SH3BGRL2: variants seen among roughly 807,000 people sequenced by gnomAD.
SH3BGRL2 encodes the protein SH3 domain-binding glutamic acid-rich-like protein 2.
A neutral mutation model predicts 14.8 loss-of-function variants in SH3BGRL2; 21 were observed. That is an observed-to-expected ratio of 1.42 (90% CI 1.01 to 2.05). The LOEUF (loss-of-function observed/expected upper bound fraction) is 2.05, where lower values mean the gene tolerates loss of function less well. Among genes scored for constraint, SH3BGRL2 ranks in the 30% most tolerant of loss-of-function variants. The probability of loss-of-function intolerance (pLI) is 0.00; values close to 1 mark genes in which losing one functional copy is unlikely to be tolerated. For missense variants in SH3BGRL2, 147 were observed against 130.8 expected, an observed-to-expected ratio of 1.12 and a Z score of -0.61; for synonymous variants, 50 against 47.8, an observed-to-expected ratio of 1.05 and a Z score of -0.19.
At chr6:79,555,311 G>T in the SH3BGRL2 span, among the ~76,000 whole-genome samples, 306 of 152,074 alleles carry the variant, frequency 2.0e-3, 1 homozygote, top group African/African-American at 6.8e-3. Context: ...TTAGCTGGGC[G>T]TGGTGTTGGG....
the SH3BGRL2 span, among the ~76,000 whole-genome samples, chr6:79,537,647 T>C: frequency 6.6e-6 from 1 of 152,172 alleles, no homozygotes; most frequent in Non-Finnish European, 1.5e-5. Context: ...TCCTACGGGC[T>C]GTGCGGTGCC....
chr6:79,675,441 G>A (rs1267174927), intron 2 of SH3BGRL2, among the ~76,000 whole-genome samples: 1 of 152,062 alleles, frequency 6.6e-6, no homozygotes, highest in Non-Finnish European at 1.5e-5. Flanking sequence ...ACTATGGTAT[G>A]AGCTATTTTT....
chr6:79,545,175 C>A, the SH3BGRL2 span, among the ~76,000 whole-genome samples: 1 of 152,200 alleles, frequency 6.6e-6, no homozygotes, highest in African/African-American at 2.4e-5. Context: ...TGACCTGTTT[C>A]CCTTTGAGAG....
intron 1 of SH3BGRL2, among the ~76,000 whole-genome samples, chr6:79,638,468 A>G (rs144717915): frequency 8.5e-5 from 13 of 152,258 alleles, no homozygotes; most frequent in African/African-American, 2.6e-4. Context: ...AATTCTCTGT[A>G]GTGGGATTGC....
chr6:79,608,143 C>A, the SH3BGRL2 span, among the ~76,000 whole-genome samples: 1 of 152,098 alleles, frequency 6.6e-6, no homozygotes, highest in African/African-American at 2.4e-5. Context: ...CGTGAGAACT[C>A]ACTCACTATC....
At chr6:79,586,712 C>A in the SH3BGRL2 span, among the ~76,000 whole-genome samples, 44 of 152,204 alleles carry the variant, frequency 2.9e-4, no homozygotes, top group Non-Finnish European at 1.3e-4. Context: ...AAGGCCTATC[C>A]TCTGGAATCA....
the SH3BGRL2 span, among the ~76,000 whole-genome samples, chr6:79,543,408 C>T: frequency 6.6e-6 from 1 of 152,086 alleles, no homozygotes; most frequent in Non-Finnish European, 1.5e-5. Context: ...ATTATTTACC[C>T]AGAGGTATAT....
intron 2 of SH3BGRL2, among the ~76,000 whole-genome samples, chr6:79,694,382 T>C (rs1398406919): frequency 6.6e-6 from 1 of 152,232 alleles, no homozygotes; most frequent in Non-Finnish European, 1.5e-5. Context: ...TGAACTCTCA[T>C]GAGGGAATTA....
the SH3BGRL2 span, among the ~76,000 whole-genome samples, chr6:79,572,227 T>A: frequency 6.6e-6 from 1 of 152,198 alleles, no homozygotes; most frequent in Non-Finnish European, 1.5e-5. Flanking sequence ...TGTTGATAGA[T>A]GTTTAGATTT....
At chr6:79,570,847 CTGTT>C in the SH3BGRL2 span, among the ~76,000 whole-genome samples, 4 of 152,166 alleles carry the variant, frequency 2.6e-5, no homozygotes, top group East Asian at 7.7e-4. Flanking sequence ...CTCAAGCACT[CTGTT>C]TTATTTGCAT....
At chr6:79,601,364 A>T in the SH3BGRL2 span, among the ~76,000 whole-genome samples, 12 of 151,856 alleles carry the variant, frequency 7.9e-5, no homozygotes, top group Admixed American at 2.6e-4. Flanking sequence ...AATTTTTTTT[A>T]AAAAATGTTT....
rs146526599 is a variant in SH3BGRL2 at position 79,643,223 on chromosome 6, G to A, written c.45+11717G>A. Among the ~76,000 whole-genome samples, 525 of 152,256 alleles carry A rather than the reference G, an allele frequency of 3.4e-3. 2 individuals are homozygous for A. The highest frequency in any genetic ancestry group is 0.012 in the African/African-American group (511 of 41,540). On this transcript the variant is annotated intron_variant, in intron 1 of 3. Transcript: ENST00000369838. The stretch of plus-strand genomic sequence containing the variant: ...CATGTCTAGGATTATTCAGCTCAGC[G>A]GTAAAACCTAGATTCAAACCCTTTT...
chr6:79,597,313 GAA>G, the SH3BGRL2 span, among the ~76,000 whole-genome samples: 55 of 135,210 alleles, frequency 4.1e-4, no homozygotes, highest in African/African-American at 1.5e-3. Context: ...AGAAAAGAAA[GAA>G]AGAGAAAAGA....
chr6:79,675,213 A>T (rs1268380523), intron 2 of SH3BGRL2, among the ~76,000 whole-genome samples: 1 of 152,206 alleles, frequency 6.6e-6, no homozygotes, highest in African/African-American at 2.4e-5. Context: ...GGCTTTGAAA[A>T]TGCTTTTATT....
At chr6:79,659,277 C>T (rs1348766184) in intron 1 of SH3BGRL2, among the ~76,000 whole-genome samples, 1 of 152,176 alleles carries the variant, frequency 6.6e-6, no homozygotes, top group Non-Finnish European at 1.5e-5. Flanking sequence ...TTAGGTCTAA[C>T]ATTTAAATAC....
At chr6:79,673,953 G>C (rs1463567086) in intron 2 of SH3BGRL2, among the ~76,000 whole-genome samples, 154 bp downstream of exon 2, 2 of 152,100 alleles carry the variant, frequency 1.3e-5, no homozygotes, top group African/African-American at 4.8e-5. Context: ...GTTGAGAAGG[G>C]ATGTGAGTCC....
intron 1 of SH3BGRL2, among the ~76,000 whole-genome samples, chr6:79,670,758 C>T (rs1769756311): frequency 6.6e-6 from 1 of 152,134 alleles, no homozygotes; most frequent in South Asian, 2.1e-4. Flanking sequence ...ACCCAGGCTA[C>T]TGTCTTTCTG....
rs1209749471 is a variant in SH3BGRL2, at chr6:79,700,377, C to T, written c.*868C>T. The T allele has an allele frequency of 6.6e-6, 1 of 152,124 alleles. No individual in the cohort carries two copies. Among genetic ancestry groups the T allele is most frequent in the African/African-American group, 2.4e-5 (1 of 41,418 alleles). The allele number at this position is 152,124 out of a possible 1,614,324, so 9.4% of individuals were successfully genotyped here. A position where few individuals can be genotyped will look rare whatever the true frequency, so the allele number is the denominator to read the frequency against. On this transcript the variant is annotated 3_prime_UTR_variant, in exon 4 of 4. Coordinates refer to ENST00000369838, the MANE Select transcript of SH3BGRL2 (RefSeq NM_031469.4). ...TAAGTTCATATATTTTTTAATCCAGCTCCCCTAACAGACAGCTGCTGCTTC... is the reference window on the plus strand; with the variant it reads ...TAAGTTCATATATTTTTTAATCCAGTTCCCCTAACAGACAGCTGCTGCTTC...
the SH3BGRL2 span, among the ~76,000 whole-genome samples, chr6:79,538,018 G>GTTTTGTTTTTT: frequency 2.3e-5 from 1 of 44,146 alleles, no homozygotes; most frequent in Non-Finnish European, 4.2e-5. Context: ...TTGCACACAA[G>GTTTTGTTTTTT]TTTTTTTTTT....
Sources: gnomAD v4.1 joint callset for allele counts (sites outside exome capture counted in the v4.1 genomes callset) on GRCh38, gnomAD v4.1.1 for gene constraint, MANE v1.5 for transcripts, NCBI Gene and HGNC (gene_info 2026-07-23, HGNC 2026-07-21) for gene names.